LRP5: variants seen among roughly 807,000 people sequenced by gnomAD.
LRP5 encodes low-density lipoprotein receptor-related protein 5.
In LRP5, 62 loss-of-function variants were observed where a neutral mutation model predicts 154.1. The observed-to-expected ratio is 0.40, with a 90% CI of 0.33 to 0.50. The LOEUF (loss-of-function observed/expected upper bound fraction) is 0.50. Among genes scored for constraint, LRP5 ranks in the 20% least tolerant of loss-of-function variants. LRP5 has a pLI of 0.55. For missense variants in LRP5, 1,915 were observed against 2,336.7 expected, an observed-to-expected ratio of 0.82 and a Z score of 3.72; for synonymous variants, 966 against 1,011.5, an observed-to-expected ratio of 0.96 and a Z score of 0.85.
chr11:68,344,821 A>G (rs894817453), intron 1 of LRP5, among the ~76,000 whole-genome samples: 2 of 123,454 alleles, frequency 1.6e-5, no homozygotes, highest in African/African-American at 6.1e-5. Flanking sequence ...AGTTTCATCC[A>G]TGTTGTAGCA....
upstream of LRP5, among the ~76,000 whole-genome samples, chr11:68,310,392 G>T (rs2153109465): frequency 6.6e-6 from 1 of 152,330 alleles, no homozygotes; most frequent in African/African-American, 2.4e-5. Context: ...GGCCGAGGCA[G>T]GTGGATCATC....
intron 1 of LRP5, among the ~76,000 whole-genome samples, chr11:68,326,258 GCTGA>G (rs2098599593): frequency 6.6e-6 from 1 of 152,164 alleles, no homozygotes; most frequent in Admixed American, 6.5e-5. Flanking sequence ...GGGGCTGAGG[GCTGA>G]CTATCTATTT....
At chr11:68,395,803 G>A (rs1432598877) in intron 7 of LRP5, among the ~76,000 whole-genome samples, 5 of 152,174 alleles carry the variant, frequency 3.3e-5, no homozygotes, top group Non-Finnish European at 7.3e-5. Context: ...CCGTGGAGAT[G>A]CTGGCTCTGT....
At chr11:68,369,736 A>G (rs1036801879) in intron 5 of LRP5, among the ~76,000 whole-genome samples, 1 of 152,102 alleles carries the variant, frequency 6.6e-6, no homozygotes, top group Non-Finnish European at 1.5e-5. Flanking sequence ...TCCCTCACGT[A>G]TCAGAGTTCC....
chr11:68,432,381 C>T (rs996356467), intron 17 of LRP5, among the ~76,000 whole-genome samples: 5 of 152,222 alleles, frequency 3.3e-5, no homozygotes, highest in Admixed American at 6.5e-5. Flanking sequence ...CTCCTCTCAG[C>T]CGTCGTGGGC....
Position 68,425,708 on chromosome 11 carries a change from G to A in LRP5, c.3428-270G>A, listed in dbSNP as rs141422727. 0.013 allele frequency among the ~76,000 whole-genome samples: 1,929 copies of A among 152,304 alleles called. 22 individuals are homozygous for A. Among genetic ancestry groups the A allele is most frequent in the African/African-American group, 0.03 (1,230 of 41,566 alleles). ...TGATGAGGTAGATGGGTGAAGGGAG[G>A]GGCCATGCTTGCAGGGGCCAGTGAC... On this transcript the variant is annotated intron_variant, in intron 15 of 22. Transcript: ENST00000294304.
At chr11:68,420,094 T>C (rs1271336891) in intron 13 of LRP5, among the ~76,000 whole-genome samples, 1 of 152,238 alleles carries the variant, frequency 6.6e-6, no homozygotes, top group Non-Finnish European at 1.5e-5. Context: ...CAGCCCATTT[T>C]ACCTATTCTG....
At chr11:68,308,989 AGTGGC>A, upstream of LRP5, among the ~76,000 whole-genome samples, 1 of 132,596 alleles carries the variant, frequency 7.5e-6, no homozygotes, top group Admixed American at 8.8e-5. Context: ...GATGGAGTGC[AGTGGC>A]GCAATCTCGG....
At chr11:68,432,403 C>T (rs925624867) in intron 17 of LRP5, among the ~76,000 whole-genome samples, 1 of 152,198 alleles carries the variant, frequency 6.6e-6, no homozygotes, top group Non-Finnish European at 1.5e-5. Context: ...GACCCTGGCA[C>T]GTCCTCCTGT....
intron 7 of LRP5, among the ~76,000 whole-genome samples, chr11:68,401,278 T>C (rs1034578891): frequency 8.5e-5 from 13 of 152,118 alleles, no homozygotes; most frequent in Non-Finnish European, 1.5e-4. Context: ...CCCTAGATGA[T>C]TTTGGGACCA....
chr11:68,421,050 C>G (rs2098665273), intron 13 of LRP5, among the ~76,000 whole-genome samples: 2 of 152,088 alleles, frequency 1.3e-5, no homozygotes, highest in African/African-American at 4.8e-5. Flanking sequence ...CATGGTGAAA[C>G]CCCGTCTCTA....
chr11:68,445,775 G>C (rs1360994239), intron 21 of LRP5: 4 of 747,230 alleles, frequency 5.4e-6, no homozygotes, highest in Non-Finnish European at 2.0e-6. Flanking sequence ...GACCTGGGGG[G>C]CACGTTCACG....
At chr11:68,324,691 C>T (rs2098598623) in intron 1 of LRP5, among the ~76,000 whole-genome samples, 3 of 152,268 alleles carry the variant, frequency 2.0e-5, no homozygotes, top group Admixed American at 2.0e-4. Context: ...CCCTTCTGCT[C>T]ATCGTCCAGC....
chr11:68,382,513 C>T (rs671191), intron 5 of LRP5, among the ~76,000 whole-genome samples: 86,361 of 152,018 alleles, frequency 0.57, 27,232 homozygotes, highest in East Asian at 0.87. Context: ...CGGATGGTGT[C>T]GTTCACCTAA....
rs2098645456 is a variant in LRP5, at chr11:68,390,039, C to G, written c.1571C>G (p.Thr524Arg). Residue 524 changes from threonine to arginine, a missense_variant, in exon 7 of 23, where the codon ACA (threonine) becomes AGA (arginine). Thr to Arg is a moderately conservative substitution (Grantham distance 71, BLOSUM62 -1). Around this residue, in one of 3 missense-constraint regions of LRP5, gnomAD observed 773 missense variants for 1,100.9 expected, o/e 0.70. Coordinates refer to ENST00000294304, the MANE Select transcript of LRP5 (RefSeq NM_002335.4). ...AAGCTCTACTGGGGAGACGCCAAGA[C>G]AGACAAGATCGAGGTGAGGCTCCTG... is the stretch of plus-strand genomic sequence containing the variant. The part of the protein sequence containing the change: ...EGKLYWGDAK[T>R]DKIEVINVDG... 6.2e-7 allele frequency: 1 copy of G among 1,614,136 alleles called. No homozygotes were observed. The highest frequency in any genetic ancestry group is 1.3e-5 in the African/African-American group (1 of 74,948).
At chr11:68,389,096 A>G (rs925683579) in intron 6 of LRP5, among the ~76,000 whole-genome samples, 2 of 146,122 alleles carry the variant, frequency 1.4e-5, no homozygotes, top group Admixed American at 6.8e-5. Flanking sequence ...ACTGACATCT[A>G]CTGACATTGG....
In LRP5 at chr11:68,403,530, G is replaced by A. The variant is rs2098653835; in HGVS notation, c.1632G>A (p.Lys544=). ...GTKRRTLLED[K]LPHIFGFTLL... Reference sequence around the variant, plus strand: ...AGAGGCGGACCCTCCTGGAGGACAAGCTCCCGCACATTTTTGGGTTCACGC... The same window carrying A: ...AGAGGCGGACCCTCCTGGAGGACAAACTCCCGCACATTTTTGGGTTCACGC... Residue 544 remains lysine (K), a synonymous_variant, in exon 8 of 23, where the codon AAG becomes AAA. Transcript: ENST00000294304. 1 of 1,614,188 alleles carries A rather than the reference G, an allele frequency of 6.2e-7. No homozygotes were observed. The highest frequency in any genetic ancestry group is 8.5e-7 in the Non-Finnish European group (1 of 1,180,044).
intron 1 of LRP5, among the ~76,000 whole-genome samples, chr11:68,329,491 G>A (rs1391943654): frequency 6.6e-6 from 1 of 152,204 alleles, no homozygotes; most frequent in Non-Finnish European, 1.5e-5. Flanking sequence ...TTATACGAGT[G>A]TTTTCTTCCA....
chr11:68,396,167 G>A (rs1435445975), intron 7 of LRP5, among the ~76,000 whole-genome samples: 3 of 152,152 alleles, frequency 2.0e-5, no homozygotes, highest in African/African-American at 7.2e-5. Context: ...CCTTGAGGAT[G>A]CAGTTGGACT....
Sources: gnomAD v4.1 joint callset for allele counts (sites outside exome capture counted in the v4.1 genomes callset) on GRCh38, gnomAD v4.1.1 for gene constraint, gnomAD v4.1.1 regional missense constraint, MANE v1.5 for transcripts, NCBI Gene and HGNC (gene_info 2026-07-23, HGNC 2026-07-21) for gene names.